The following DOCK9 variants were observed in gnomAD, a reference collection of about 807,000 sequenced individuals.
DOCK9 encodes dedicator of cytokinesis 9, also known as dedicator of cytokinesis protein 9.
Under a neutral mutation model 263.3 loss-of-function variants are expected in DOCK9, and 89 were observed. The ratio of observed to expected loss-of-function variants is 0.34; its 90% CI spans 0.28 to 0.40. DOCK9 has a LOEUF of 0.40. Among genes scored for constraint, DOCK9 ranks in the 10% least tolerant of loss-of-function variants. The pLI, the probability that DOCK9 is intolerant of heterozygous loss-of-function variation, is 1.00. For missense variants in DOCK9, 2,140 were observed against 2,603.4 expected, an observed-to-expected ratio of 0.82 and a Z score of 3.87; for synonymous variants, 976 against 973.1, an observed-to-expected ratio of 1.00 and a Z score of -0.06.
chr13:98,953,579 T>A (rs972782759), intron 2 of DOCK9, among the ~76,000 whole-genome samples: 1 of 152,234 alleles, frequency 6.6e-6, no homozygotes, highest in Admixed American at 6.5e-5. Flanking sequence ...TTACTTTAAT[T>A]AATACCAAGA....
intron 34 of DOCK9, among the ~76,000 whole-genome samples, chr13:98,854,175 T>C (rs1436538856): frequency 6.6e-6 from 1 of 151,848 alleles, no homozygotes; most frequent in Non-Finnish European, 1.5e-5. Flanking sequence ...GTCAGAAAGC[T>C]TGGGGCAAAC....
chr13:98,799,608 A>G (rs1176619425), intron 50 of DOCK9, among the ~76,000 whole-genome samples: 1 of 152,244 alleles, frequency 6.6e-6, no homozygotes, highest in East Asian at 1.9e-4. Context: ...TAGATCAAAG[A>G]TGATCTTTTC....
chr13:98,886,800 T>C (rs1275133364), intron 18 of DOCK9, among the ~76,000 whole-genome samples, 176 bp from the exon 19 acceptor site: 1 of 152,146 alleles, frequency 6.6e-6, no homozygotes, highest in Non-Finnish European at 1.5e-5. Flanking sequence ...CCAGCTTGCC[T>C]TGAAGCCCAT....
At chr13:98,918,649 T>C (rs962918749) in intron 7 of DOCK9, among the ~76,000 whole-genome samples, 1 of 152,192 alleles carries the variant, frequency 6.6e-6, no homozygotes, top group Non-Finnish European at 1.5e-5. Flanking sequence ...ATGATTTCAC[T>C]TTGAATTTTA....
intron 6 of DOCK9, among the ~76,000 whole-genome samples, chr13:98,921,761 C>A (rs1401304701): frequency 1.3e-5 from 2 of 152,162 alleles, no homozygotes; most frequent in African/African-American, 2.4e-5. Flanking sequence ...CTGTGAGGTA[C>A]CAAAGAGCAC....
intron 1 of DOCK9, among the ~76,000 whole-genome samples, chr13:98,956,415 C>G (rs2058068702): frequency 6.6e-6 from 1 of 152,126 alleles, no homozygotes; most frequent in South Asian, 2.1e-4. Context: ...TACAGTATGC[C>G]AAATGCTAAA....
rs552831460 is a variant in DOCK9, at chr13:98,829,488, G to C, written c.4784C>G (p.Thr1595Ser). The C allele has an allele frequency of 6.2e-7, 1 of 1,613,816 alleles. No homozygotes were observed. Among genetic ancestry groups the C allele is most frequent in the East Asian group, 2.2e-5 (1 of 44,880 alleles). Residue 1595 changes from threonine to serine, a missense_variant, in exon 43 of 53, where the codon ACC becomes AGC. Thr to Ser is a moderately conservative substitution (Grantham distance 58). Transcript: ENST00000682017. This position sits in a 1 kb window ranked among gnomAD's most constrained non-coding sequence, Gnocchi z 4.1. Reference sequence around the variant, plus strand: ...CATTAGCACCGTGCGTATCCTTTTGGTTAAGTCCTTCACATCAGAGGAGAA... The same window carrying C: ...CATTAGCACCGTGCGTATCCTTTTGCTTAAGTCCTTCACATCAGAGGAGAA... ...TSFSSDVKDL[T>S]KRIRTVLMAT...
At chr13:99,076,906 C>T (rs1356594615) in intron 1 of DOCK9, among the ~76,000 whole-genome samples, 2 of 152,116 alleles carry the variant, frequency 1.3e-5, no homozygotes, top group Admixed American at 6.5e-5. Context: ...AAGGAACAGG[C>T]AGTGCATGCT....
chr13:98,972,753 T>C (rs1469340187), intron 1 of DOCK9, among the ~76,000 whole-genome samples: 1 of 152,220 alleles, frequency 6.6e-6, no homozygotes, highest in Non-Finnish European at 1.5e-5. Context: ...GGTTTAAGTG[T>C]TGTCTGCCTA....
At chr13:99,054,317 A>C (rs974981012) in intron 1 of DOCK9, among the ~76,000 whole-genome samples, 2 of 152,206 alleles carry the variant, frequency 1.3e-5, no homozygotes, top group African/African-American at 4.8e-5. Flanking sequence ...TGGCCTCGCC[A>C]AAAATTTGAA....
rs530456731 is a variant in DOCK9 at position 99,012,374 on chromosome 13, AG to A, written c.130-56824del. ...ATTTGGGACATCTAGGGTCTTCAGAAGAATGGGTGGCCTCGAGCCCTTTAGG... is the reference window on the plus strand; with the variant it reads ...ATTTGGGACATCTAGGGTCTTCAGAAAATGGGTGGCCTCGAGCCCTTTAGG... On this transcript the variant is annotated intron_variant, in intron 1 of 32. Coordinates refer to the DOCK9 transcript ENST00000427887. Among the ~76,000 whole-genome samples the A allele has an allele frequency of 2.7e-3, 416 of 152,330 alleles. 2 individuals are homozygous for A. Among genetic ancestry groups the A allele is most frequent in the African/African-American group, 9.2e-3 (382 of 41,574 alleles).
chr13:99,085,783 G>C (rs1424053786), intron 1 of DOCK9, among the ~76,000 whole-genome samples: 1 of 151,298 alleles, frequency 6.6e-6, no homozygotes, highest in African/African-American at 2.4e-5. Flanking sequence ...GACTGGATGA[G>C]GAAGCCCCCA....
intron 39 of DOCK9, chr13:98,834,607 C>T (rs1001545445): frequency 6.6e-6 from 1 of 152,170 alleles, no homozygotes; most frequent in African/African-American, 2.4e-5. Context: ...AATCTGTGAA[C>T]ACATTAAAAA....
intron 1 of DOCK9, among the ~76,000 whole-genome samples, chr13:99,049,016 G>A (rs1311031382): frequency 6.6e-6 from 1 of 152,182 alleles, no homozygotes; most frequent in African/African-American, 2.4e-5. Context: ...GTTATTTTCT[G>A]TATGGCTAAG....
chr13:99,015,495 T>C (rs1409128380), intron 1 of DOCK9: 2 of 1,598,026 alleles, frequency 1.3e-6, no homozygotes, highest in Non-Finnish European at 8.5e-7. Flanking sequence ...TCCAATTGTA[T>C]GCTGTATATT....
chr13:98,802,702 G>A (rs1195115229), intron 49 of DOCK9, among the ~76,000 whole-genome samples: 1 of 152,164 alleles, frequency 6.6e-6, no homozygotes, highest in Admixed American at 6.5e-5. Context: ...ACAGTCAGCT[G>A]ACTGGGAACT....
At chr13:98,971,576 T>C (rs9557105) in intron 1 of DOCK9, among the ~76,000 whole-genome samples, 40,476 of 91,222 alleles carry the variant, frequency 0.44, 6,294 homozygotes, top group East Asian at 0.72. Context: ...GGTGTTGTGG[T>C]GGGTGCTTGT....
At chr13:98,950,465 T>C in intron 2 of DOCK9, 1 of 562,870 alleles carries the variant, frequency 1.8e-6, no homozygotes, top group Non-Finnish European at 3.1e-6. Context: ...GTATCTAATA[T>C]TTTTTAAATT....
chr13:98,874,446 T>C (rs1372148211), intron 27 of DOCK9, among the ~76,000 whole-genome samples: 2 of 152,242 alleles, frequency 1.3e-5, no homozygotes, highest in African/African-American at 4.8e-5. Context: ...AAAGCTACTG[T>C]GCACATTTGC....
Sources: gnomAD v4.1 joint callset for allele counts (sites outside exome capture counted in the v4.1 genomes callset) on GRCh38, gnomAD v4.1.1 for gene constraint, Gnocchi (gnomAD v3.1) non-coding constraint, MANE v1.5 for transcripts, NCBI Gene and HGNC (gene_info 2026-07-23, HGNC 2026-07-21) for gene names.